Variants in PITPNM3 observed in about 807,000 individuals in gnomAD.
The protein encoded by PITPNM3 is PITPNM family member 3, also known as membrane-associated phosphatidylinositol transfer protein 3.
A neutral mutation model predicts 102.0 loss-of-function variants in PITPNM3; 26 were observed. The ratio of observed to expected loss-of-function variants is 0.25; its 90% CI spans 0.19 to 0.35. The LOEUF is 0.35. Ranked by LOEUF, PITPNM3 falls within the 10% of genes least tolerant of loss-of-function variation. The probability of loss-of-function intolerance (pLI) is 1.00; values close to 1 mark genes in which losing one functional copy is unlikely to be tolerated. For synonymous variants in PITPNM3, 578 were observed against 558.6 expected (o/e 1.03, Z -0.49); for missense variants, 1,083 against 1,346.1 (o/e 0.80, Z 3.06).
At position 6,479,026 on chromosome 17, in the gene PITPNM3, C is replaced by T. The variant is rs1050162079; in HGVS notation, c.588-290G>A. 9.3e-6 allele frequency: 4 copies of T among 431,084 alleles called. No homozygotes were observed. In the Admixed American group the frequency reaches 1.5e-4, roughly 16 times the overall value. The allele number at this position is 431,084 out of a possible 1,614,324, so 26.7% of individuals were successfully genotyped here. ...TCTCTATTGCCCTCTTCTGCATGGC[C>T]CCAAAGGGCACCCCAATCATAGAGG... On this transcript the variant is annotated intron_variant, in intron 6 of 19. Transcript: ENST00000262483.
At chr17:6,534,906 G>A (rs889312513) in intron 2 of PITPNM3, among the ~76,000 whole-genome samples, 12 of 152,282 alleles carry the variant, frequency 7.9e-5, no homozygotes, top group South Asian at 4.1e-4. Flanking sequence ...AGGGCAGCAC[G>A]AAGCCCAGGA....
chr17:6,493,512 G>A (rs1190466850), intron 4 of PITPNM3, among the ~76,000 whole-genome samples: 1 of 152,242 alleles, frequency 6.6e-6, no homozygotes, highest in Non-Finnish European at 1.5e-5. Context: ...AGTGACCTGT[G>A]CTGACCTGCA....
intron 3 of PITPNM3, among the ~76,000 whole-genome samples, chr17:6,509,518 TC>T: frequency 6.6e-6 from 1 of 152,200 alleles, no homozygotes; most frequent in South Asian, 2.1e-4. Context: ...TGCCCTGGGC[TC>T]TCCCCTTACT....
chr17:6,464,507 C>A, intron 15 of PITPNM3, 148 bp downstream of exon 15: 1 of 1,061,252 alleles, frequency 9.4e-7, no homozygotes, highest in Non-Finnish European at 1.4e-6. Context: ...CTTCCCGGCC[C>A]GCCCAAGCAG....
At chr17:6,542,557 G>T (rs356052) in intron 1 of PITPNM3, among the ~76,000 whole-genome samples, 1 of 152,110 alleles carries the variant, frequency 6.6e-6, no homozygotes, top group Admixed American at 6.5e-5. Flanking sequence ...AGTGTTACCA[G>T]TGGCTAATCT....
intron 17 of PITPNM3, among the ~76,000 whole-genome samples, chr17:6,462,915 T>C (rs1448969212): frequency 1.3e-5 from 2 of 151,996 alleles, no homozygotes; most frequent in African/African-American, 4.8e-5. Context: ...CTGGAGCCCA[T>C]GGAAGGCAGT....
chr17:6,472,760 T>C lies in PITPNM3; in HGVS notation c.1326A>G (p.Ser442=). 1 of 1,613,946 alleles carries C rather than the reference T, an allele frequency of 6.2e-7. No homozygotes were observed. The highest frequency in any genetic ancestry group is 8.5e-7 in the Non-Finnish European group (1 of 1,179,948). ...TGGGCTCCAGCAGTGGCTCGAGCCG[T>C]GAGGCAGAGGGGTCTGCGCAATGGA... The part of the protein sequence containing the change: ...SFFHCADPSA[S]RLEPLLEPKF... The change falls in exon 11 of 20, where the codon TCA becomes TCG. Residue 442 remains serine (S), a synonymous_variant. Transcript: ENST00000262483. This position sits in a 1 kb window ranked among gnomAD's most constrained non-coding sequence, Gnocchi z 4.1.
At chr17:6,483,787 G>C in intron 5 of PITPNM3, 35 bp from the exon 6 acceptor site, 1 of 1,593,850 alleles carries the variant, frequency 6.3e-7, no homozygotes, top group Non-Finnish European at 8.5e-7. Context: ...CAGAGAGAGA[G>C]GCGGCTGGGG....
intron 1 of PITPNM3, among the ~76,000 whole-genome samples, chr17:6,555,686 T>C (rs1032356078): frequency 7.9e-5 from 12 of 152,132 alleles, no homozygotes; most frequent in African/African-American, 2.9e-4. Context: ...ACAGAGCAGA[T>C]GCTAGTGAAT....
chr17:6,454,998 T>C lies in PITPNM3; in HGVS notation c.*340A>G. ...GGCCTGCCTAGCTCGCTGTGAAGCC[T>C]GGGGACGCAGGAGGGTGGTCGACTT... On this transcript the variant is annotated 3_prime_UTR_variant, in exon 20 of 20. Coordinates refer to ENST00000262483, the MANE Select transcript of PITPNM3 (RefSeq NM_031220.4). 3.0e-6 allele frequency: 1 copy of C among 335,614 alleles called. No individual in the cohort carries two copies. Among genetic ancestry groups the C allele is most frequent in the Non-Finnish European group, 5.5e-6 (1 of 183,266 alleles). The allele number at this position is 335,614 out of a possible 1,614,324, so 20.8% of individuals were successfully genotyped here.
chr17:6,533,685 G>C (rs1470800170), intron 2 of PITPNM3, among the ~76,000 whole-genome samples: 1 of 152,044 alleles, frequency 6.6e-6, no homozygotes, highest in Non-Finnish European at 1.5e-5. Context: ...TCACACTCCT[G>C]AACTCGTGAT....
Position 6,556,299 on chromosome 17 carries a change from G to A in PITPNM3, c.22+86C>T. Reference sequence around the variant, plus strand: ...GGGACCTCCGCCCACCTGCGCGAGGGGTTCACCTGGGCCGGCGGCCCCTCC... The same window carrying A: ...GGGACCTCCGCCCACCTGCGCGAGGAGTTCACCTGGGCCGGCGGCCCCTCC... On this transcript the variant is annotated intron_variant, in intron 1 of 19. Transcript: ENST00000262483. This position sits in a 1 kb window ranked among gnomAD's most constrained non-coding sequence, Gnocchi z 5.2. 8.3e-7 allele frequency: 1 copy of A among 1,203,844 alleles called. No individual in the cohort carries two copies. Among genetic ancestry groups the A allele is most frequent in the Admixed American group, 2.8e-5 (1 of 35,304 alleles). The allele number at this position is 1,203,844 out of a possible 1,614,324, so 74.6% of individuals were successfully genotyped here. A position where few individuals can be genotyped will look rare whatever the true frequency, so the allele number is the denominator to read the frequency against.
chr17:6,461,665 C>G lies in PITPNM3; in HGVS notation c.2307-109G>C, dbSNP rs944001531. On this transcript the variant is annotated intron_variant, in intron 17 of 19. Transcript: ENST00000262483. The stretch of plus-strand genomic sequence containing the variant: ...CTCCTGAGACGTCAGAGGGACGAGT[C>G]TGAGGCGTGCTAGGGAGAACAAGGG... The G allele has an allele frequency of 3.9e-6, 5 of 1,285,440 alleles. No individual in the cohort carries two copies. In the African/African-American group the frequency reaches 7.3e-5, roughly 19 times the overall value. 79.6% of individuals were successfully genotyped at this position (1,285,440 alleles called of 1,614,324 possible).
intron 18 of PITPNM3, among the ~76,000 whole-genome samples, chr17:6,461,170 G>A (rs897275097): frequency 2.0e-5 from 3 of 152,204 alleles, no homozygotes; most frequent in Admixed American, 1.3e-4. Context: ...GCAAGTTGCC[G>A]GAGCCTCACC....
In PITPNM3 at chr17:6,505,202, A is replaced by ATATATATATATATG. The variant is rs1555556408; in HGVS notation, c.227-1642_227-1629dup. 7.6e-3 allele frequency among the ~76,000 whole-genome samples: 1,123 copies of ATATATATATATATG among 148,252 alleles called. 18 individuals carry two copies. The highest frequency in any genetic ancestry group is 0.011 in the Non-Finnish European group (734 of 67,378). ...AAAAAAGAAGACAAATAAAATATAT[A>ATATATATATATATG]TATATATATATATGTAAAGCCTTCA... On this transcript the variant is annotated intron_variant, in intron 3 of 19. Transcript: ENST00000262483.
chr17:6,520,950 A>T (rs142885152), intron 3 of PITPNM3, among the ~76,000 whole-genome samples: 28 of 152,358 alleles, frequency 1.8e-4, no homozygotes, highest in African/African-American at 6.3e-4. Context: ...TCATGGAGAC[A>T]GAAAGTAGAA....
In PITPNM3 at chr17:6,455,152, C is replaced by T. The variant is rs559174920; in HGVS notation, c.*186G>A. 4.2e-6 allele frequency: 3 copies of T among 722,194 alleles called. No homozygotes were observed. The highest frequency in any genetic ancestry group is 3.1e-5 in the East Asian group (1 of 31,894). 44.7% of individuals were successfully genotyped at this position (722,194 alleles called of 1,614,324 possible). ...GCACCGAGATCCCCGGACCTCACCC[C>T]GTCGCAGCTCAGGGAGCCCCCCGGG... On this transcript the variant is annotated 3_prime_UTR_variant, in exon 20 of 20. Coordinates refer to ENST00000262483, the MANE Select transcript of PITPNM3 (RefSeq NM_031220.4).
chr17:6,528,802 A>AACACAC (rs35605575), intron 2 of PITPNM3, among the ~76,000 whole-genome samples: 1 of 150,504 alleles, frequency 6.6e-6, no homozygotes, highest in Non-Finnish European at 1.5e-5. Flanking sequence ...AAGCAACAAG[A>AACACAC]ACACACACAC....
chr17:6,523,882 G>C (rs1237849679), intron 3 of PITPNM3, among the ~76,000 whole-genome samples: 1 of 152,208 alleles, frequency 6.6e-6, no homozygotes. Flanking sequence ...GCCTGACTTT[G>C]TTGGGGCCCA....
Sources: allele counts gnomAD v4.1 joint callset (sites outside exome capture counted in the v4.1 genomes callset), GRCh38; gene constraint gnomAD v4.1.1; non-coding constraint Gnocchi (gnomAD v3.1); transcripts MANE v1.5; gene names NCBI Gene and HGNC (gene_info 2026-07-23, HGNC 2026-07-21).